The following PRKCB variants were observed in gnomAD, a reference collection of about 807,000 sequenced individuals.
PRKCB encodes protein kinase C beta, also known as protein kinase C beta type.
A neutral mutation model predicts 81.5 loss-of-function variants in PRKCB; 13 were observed. The observed-to-expected ratio is 0.16, with a 90% CI of 0.10 to 0.25. The LOEUF (loss-of-function observed/expected upper bound fraction) is 0.25, where lower values mean the gene tolerates loss of function less well. PRKCB is among the 10% of genes least tolerant of loss of function. The pLI is 1.00. For synonymous variants in PRKCB, 335 were observed against 321.4 expected, an observed-to-expected ratio of 1.04 and a Z score of -0.45; for missense variants, 509 against 875.7, an observed-to-expected ratio of 0.58 and a Z score of 5.29.
chr16:23,866,402 C>T (rs749219033), intron 2 of PRKCB, among the ~76,000 whole-genome samples: 2 of 152,200 alleles, frequency 1.3e-5, no homozygotes, highest in Non-Finnish European at 2.9e-5. Flanking sequence ...TAAGTACAAT[C>T]TCATCAGGAT....
At chr16:23,893,046 A>T (rs1415397039) in intron 2 of PRKCB, 2 of 152,092 alleles carry the variant, frequency 1.3e-5, no homozygotes, top group Non-Finnish European at 2.9e-5. Context: ...CTTGAAATAC[A>T]GGGATGGTCT....
At chr16:23,964,326 A>G (rs1316531140) in intron 2 of PRKCB, among the ~76,000 whole-genome samples, 2 of 152,168 alleles carry the variant, frequency 1.3e-5, no homozygotes, top group Non-Finnish European at 2.9e-5. Flanking sequence ...TACACACAGA[A>G]TTTTGTGGGA....
At chr16:23,838,026 T>C (rs1285698988) in intron 2 of PRKCB, among the ~76,000 whole-genome samples, 1 of 152,158 alleles carries the variant, frequency 6.6e-6, no homozygotes, top group African/African-American at 2.4e-5. Context: ...GCATCTGGCT[T>C]GAGATCCTGG....
intron 3 of PRKCB, among the ~76,000 whole-genome samples, chr16:24,023,245 C>A (rs1438898338): frequency 6.6e-6 from 1 of 152,234 alleles, no homozygotes; most frequent in African/African-American, 2.4e-5. Context: ...CGATCAGAAC[C>A]AAACCCCATA....
intron 5 of PRKCB, among the ~76,000 whole-genome samples, chr16:24,049,065 T>G (rs1965804011): frequency 7.0e-6 from 1 of 142,894 alleles, no homozygotes; most frequent in South Asian, 2.3e-4. Context: ...TTTTTTTTTT[T>G]TTTTTTTTTT....
intron 3 of PRKCB, among the ~76,000 whole-genome samples, chr16:23,994,968 C>G (rs1048181141): frequency 6.6e-6 from 1 of 152,056 alleles, no homozygotes; most frequent in Non-Finnish European, 1.5e-5. Flanking sequence ...CTGATTTGTC[C>G]TAGTGAATGA....
intron 2 of PRKCB, among the ~76,000 whole-genome samples, chr16:23,943,642 G>A (rs981547443): frequency 2.6e-5 from 4 of 152,192 alleles, no homozygotes; most frequent in Admixed American, 6.5e-5. Flanking sequence ...CTCTGCGCCT[G>A]TACAAATGTA....
chr16:24,094,265 T>A lies in PRKCB; in HGVS notation c.789T>A (p.Ile263=). The change falls in exon 7 of 17, where the codon ATT becomes ATA. Residue 263 remains isoleucine (I), a synonymous_variant. Coordinates refer to ENST00000643927, the MANE Select transcript of PRKCB (RefSeq NM_002738.7). ...TCATGGGATCTTTGTCCTTTGGGAT[T>A]TCTGAACTTCAGAAAGCCAGTGTTG... ...NDFMGSLSFG[I]SELQKASVDG... 1 of 1,614,186 alleles carries A rather than the reference T, an allele frequency of 6.2e-7. No homozygotes were observed. The highest frequency in any genetic ancestry group is 8.5e-7 in the Non-Finnish European group (1 of 1,180,014).
chr16:24,018,401 G>A lies in PRKCB; in HGVS notation c.289-13735G>A, dbSNP rs80194756. Among the ~76,000 whole-genome samples the A allele has an allele frequency of 7.6e-3, 1,154 of 152,220 alleles. 16 individuals carry two copies. Among genetic ancestry groups the A allele is most frequent in the African/African-American group, 0.026 (1,069 of 41,534 alleles). On this transcript the variant is annotated intron_variant, in intron 3 of 16. Transcript: ENST00000643927. ...ACCAGCAACTTTATGCAGTTTCCAT[G>A]CAGTATCTCACTGAACTCTTACTAA...
intron 9 of PRKCB, among the ~76,000 whole-genome samples, chr16:24,125,630 AT>A (rs1157258208): frequency 1.3e-5 from 2 of 151,958 alleles, no homozygotes; most frequent in East Asian, 3.8e-4. Flanking sequence ...GTCCTTGTTG[AT>A]TTTTTCTCTC....
At chr16:23,910,741 G>A (rs1963639163) in intron 2 of PRKCB, among the ~76,000 whole-genome samples, 1 of 151,992 alleles carries the variant, frequency 6.6e-6, no homozygotes, top group Admixed American at 6.6e-5. Context: ...TTATAATGTT[G>A]TAAGCCATCA....
intron 3 of PRKCB, among the ~76,000 whole-genome samples, chr16:23,997,840 T>G (rs191839327): frequency 6.6e-6 from 1 of 152,298 alleles, no homozygotes; most frequent in East Asian, 1.9e-4. Context: ...TATTCTTTAT[T>G]TGGAGGTTCT....
chr16:23,987,934 A>G (rs1466031872), intron 2 of PRKCB, among the ~76,000 whole-genome samples: 1 of 152,196 alleles, frequency 6.6e-6, no homozygotes, highest in East Asian at 1.9e-4. Flanking sequence ...GTGTGTATAT[A>G]TGTATTTGCT....
intron 2 of PRKCB, among the ~76,000 whole-genome samples, chr16:23,886,406 G>GTTTTTTTTTTTTTTT (rs398029038): frequency 1.4e-5 from 1 of 70,222 alleles, no homozygotes; most frequent in Non-Finnish European, 2.5e-5. Flanking sequence ...TGTGTTAGGT[G>GTTTTTTTTTTTTTTT]TTTTTTTTTT....
At chr16:23,883,160 A>G (rs1963150384) in intron 2 of PRKCB, among the ~76,000 whole-genome samples, 1 of 151,962 alleles carries the variant, frequency 6.6e-6, no homozygotes, top group South Asian at 2.1e-4. Flanking sequence ...AAGCAAATTG[A>G]AAAAAACAGG....
At chr16:24,000,822 T>C (rs1567339909) in intron 3 of PRKCB, among the ~76,000 whole-genome samples, 2 of 152,204 alleles carry the variant, frequency 1.3e-5, no homozygotes, top group Non-Finnish European at 1.5e-5. Context: ...AATTCTGTGA[T>C]GCAGTGCTAA....
chr16:24,015,802 C>A (rs1053084423), intron 3 of PRKCB, among the ~76,000 whole-genome samples: 1 of 152,032 alleles, frequency 6.6e-6, no homozygotes, highest in Non-Finnish European at 1.5e-5. Context: ...AGGTACTCAA[C>A]GAATATTTGG....
At chr16:24,175,585 A>G (rs1188778343) in intron 12 of PRKCB, among the ~76,000 whole-genome samples, 1 of 151,878 alleles carries the variant, frequency 6.6e-6, no homozygotes, top group African/African-American at 2.4e-5. Flanking sequence ...GTTCTCTCTC[A>G]TTCTGTAGAG....
At chr16:24,093,034 C>A in intron 6 of PRKCB, 87 bp downstream of exon 6, 1 of 1,392,386 alleles carries the variant, frequency 7.2e-7, no homozygotes, top group Non-Finnish European at 9.7e-7. Context: ...TCCCTTAGCT[C>A]CTGTTTCCTT....
Sources: allele counts gnomAD v4.1 joint callset (sites outside exome capture counted in the v4.1 genomes callset), GRCh38; gene constraint gnomAD v4.1.1; transcripts MANE v1.5; gene names NCBI Gene and HGNC (gene_info 2026-07-23, HGNC 2026-07-21).